The following PER2 variants were observed in gnomAD, a reference collection of about 807,000 sequenced individuals.
PER2 encodes period circadian protein homolog 2.
Under a neutral mutation model 121.0 loss-of-function variants are expected in PER2, and 66 were observed. The observed-to-expected ratio is 0.55, with a 90% CI of 0.45 to 0.67. PER2 has a LOEUF of 0.67. Among genes scored for constraint, PER2 ranks in the 30% least tolerant of loss-of-function variants. The probability of loss-of-function intolerance (pLI) is 0.00; values close to 1 mark genes in which losing one functional copy is unlikely to be tolerated. For missense variants in PER2, 1,521 were observed against 1,635.0 expected (o/e 0.93, Z 1.20); for synonymous variants, 684 against 659.9 (o/e 1.04, Z -0.56).
At position 238,253,803 on chromosome 2, in the gene PER2, C is replaced by A. The variant is rs1295847811; in HGVS notation, c.2321-101G>T. 7.8e-6 allele frequency: 7 copies of A among 899,808 alleles called. 1 individual carries two copies. The highest frequency in any genetic ancestry group is 5.7e-5 in the South Asian group (4 of 70,374). The allele number at this position is 899,808 out of a possible 1,614,324, so 55.7% of individuals were successfully genotyped here. A position where few individuals can be genotyped will look rare whatever the true frequency, so the allele number is the denominator to read the frequency against. On this transcript the variant is annotated intron_variant, in intron 18 of 22. Transcript: ENST00000254657. This position sits in a 1 kb window ranked among gnomAD's most constrained non-coding sequence, Gnocchi z 5.6. ...TGGGTTTCCAAATGCTGGCCCAGGG[C>A]CTGCCTGGTCCACCGAGCGGTTTTC... is the stretch of plus-strand genomic sequence containing the variant.
Position 238,245,378 on chromosome 2 carries a change from C to T in PER2, c.*997G>A, listed in dbSNP as rs1419265705. The T allele has an allele frequency of 1.3e-5, 5 of 390,720 alleles. No individual in the cohort carries two copies. In the East Asian group the frequency reaches 1.8e-4, roughly 14 times the overall value. The allele number at this position is 390,720 out of a possible 1,614,324, so 24.2% of individuals were successfully genotyped here. A position where few individuals can be genotyped will look rare whatever the true frequency, so the allele number is the denominator to read the frequency against. On this transcript the variant is annotated 3_prime_UTR_variant, in exon 23 of 23. Transcript: ENST00000254657. Reference sequence around the variant, plus strand: ...CAGGGTGCAGTGGGAGAGGTGAGCTCACTGCACCCCTGAAAATACAGATGC... The same window carrying T: ...CAGGGTGCAGTGGGAGAGGTGAGCTTACTGCACCCCTGAAAATACAGATGC...
At chr2:238,250,783 T>A in intron 20 of PER2, 40 bp from the exon 21 acceptor site, 1 of 1,412,974 alleles carries the variant, frequency 7.1e-7, no homozygotes, top group Non-Finnish European at 1.0e-6. Context: ...AACATTGACA[T>A]ATGAAATTAA....
rs775687700 is a variant in PER2 at position 238,262,294 on chromosome 2, C to A, written c.1204G>T (p.Ala402Ser). 30 of 1,613,760 alleles carry A rather than the reference C, an allele frequency of 1.9e-5. No individual in the cohort carries two copies. Among genetic ancestry groups the A allele is most frequent in the Non-Finnish European group, 2.2e-5 (26 of 1,179,890 alleles). Reference sequence around the variant, plus strand: ...AACGTGATGTACTCTCCGTTCCGGGCGCGAAACCGAATGGGAGAATAGTCG... The same window carrying A: ...AACGTGATGTACTCTCCGTTCCGGGAGCGAAACCGAATGGGAGAATAGTCG... ...PFDYSPIRFR[A>S]RNGEYITLDT... Residue 402 changes from alanine (A) to serine (S), a missense_variant, in exon 11 of 23, where the codon GCC becomes TCC. Coordinates refer to ENST00000254657, the MANE Select transcript of PER2 (RefSeq NM_022817.3).
chr2:238,291,146 T>A (rs1696943969), upstream of PER2, among the ~76,000 whole-genome samples: 1 of 152,296 alleles, frequency 6.6e-6, no homozygotes, highest in African/African-American at 2.4e-5. Context: ...GCTAGTCCTT[T>A]AGTTGGGGGT....
At chr2:238,298,934 C>T in the PER2 span, 1 of 152,230 alleles carries the variant, frequency 6.6e-6, no homozygotes, top group African/African-American at 2.4e-5. Context: ...ACTGGCAGCT[C>T]AGGAGATTTA....
intron 17 of PER2, 118 bp from the exon 18 acceptor site, chr2:238,256,029 T>C (rs143930852): frequency 7.8e-7 from 1 of 1,276,312 alleles, no homozygotes; most frequent in East Asian, 2.3e-5. Flanking sequence ...ATGATGCCTG[T>C]GGCATGAGGA....
chr2:238,253,726 G>C lies in PER2; in HGVS notation c.2321-24C>G, dbSNP rs1056819624. 5 of 1,554,896 alleles carry C rather than the reference G, an allele frequency of 3.2e-6. No individual in the cohort carries two copies. Among genetic ancestry groups the C allele is most frequent in the African/African-American group, 1.4e-5 (1 of 73,438 alleles). On this transcript the variant is annotated intron_variant, in intron 18 of 22. Coordinates refer to ENST00000254657, the MANE Select transcript of PER2 (RefSeq NM_022817.3). The surrounding 1 kb of genome is among the most constrained non-coding windows in gnomAD (Gnocchi z 5.6). ...AGCTAATGCAGAAAAACAAATACTC[G>C]GAGTTAAAATTTTAACTCCAAATTT...
rs952860304 is a variant in PER2 at position 238,275,783 on chromosome 2, G to A, written c.408C>T (p.Ala136=). 2 of 1,614,086 alleles carry A rather than the reference G, an allele frequency of 1.2e-6. No individual in the cohort carries two copies. Among genetic ancestry groups the A allele is most frequent in the African/African-American group, 2.7e-5 (2 of 74,932 alleles). ...CGCTCCTGAGGGCGTACTTCAAGGT[G>A]GCCAGCGTACTGGCCTTGCCCTTGG... ...KKAKGKASTL[A]TLKYALRSVK... is the part of the protein sequence containing the mutation. Residue 136 remains alanine, a synonymous_variant, in exon 4 of 23, where the codon GCC becomes GCT. Coordinates refer to ENST00000254657, the MANE Select transcript of PER2 (RefSeq NM_022817.3).
In PER2 at chr2:238,252,312, A is replaced by G. The variant is rs766077754; in HGVS notation, c.3112-551T>C. 6.6e-6 allele frequency among the ~76,000 whole-genome samples: 1 copy of G among 152,272 alleles called. No homozygotes were observed. Among genetic ancestry groups the G allele is most frequent in the Non-Finnish European group, 1.5e-5 (1 of 68,044 alleles). ...CCCGGGAGCCCTAGGTCCTCTGGCC[A>G]AGGCAGGGAATCGCCTGAGGCCTAC... On this transcript the variant is annotated intron_variant, in intron 19 of 22. Coordinates refer to ENST00000254657, the MANE Select transcript of PER2 (RefSeq NM_022817.3). This position sits in a 1 kb window ranked among gnomAD's most constrained non-coding sequence, Gnocchi z 4.2.
At chr2:238,294,519 G>A (rs1457601874), upstream of PER2, among the ~76,000 whole-genome samples, 1 of 152,214 alleles carries the variant, frequency 6.6e-6, no homozygotes, top group Non-Finnish European at 1.5e-5. Flanking sequence ...CTGTGATGGA[G>A]CACGTGCTTG....
chr2:238,264,926 C>T (rs549588704), intron 9 of PER2, among the ~76,000 whole-genome samples: 1 of 152,344 alleles, frequency 6.6e-6, no homozygotes, highest in Admixed American at 6.5e-5. Context: ...AAGTGTGAGC[C>T]ACTGCACCTA....
At position 238,246,418 on chromosome 2, in the gene PER2, T is replaced by C; in HGVS notation, c.3725A>G (p.Glu1242Gly). ...CCTGTGATTCAAGGGGGATCCATTT[T>C]CGTCTTCTTTGGTGTCCGACACTTC... Reference protein sequence around the residue: ...LSEVSDTKEDENGSPLNHRIE... With the variant: ...LSEVSDTKEDGNGSPLNHRIE... The change falls in exon 23 of 23, where the codon GAA (glutamate) becomes GGA (glycine). Residue 1242 changes from glutamate to glycine, a missense_variant. By Grantham distance (98) the Glu-to-Gly change is moderately conservative (BLOSUM62 -2). Transcript: ENST00000254657. 6.2e-7 allele frequency: 1 copy of C among 1,613,106 alleles called. No homozygotes were observed. Among genetic ancestry groups the C allele is most frequent in the Non-Finnish European group, 8.5e-7 (1 of 1,179,350 alleles).
At chr2:238,282,897 G>A (rs1009173127) in intron 1 of PER2, among the ~76,000 whole-genome samples, 7 of 152,226 alleles carry the variant, frequency 4.6e-5, no homozygotes, top group African/African-American at 1.7e-4. Flanking sequence ...ACGAGCCCTC[G>A]TGTGTGAACT....
chr2:238,291,640 G>T (rs919782157), upstream of PER2, among the ~76,000 whole-genome samples: 2 of 152,170 alleles, frequency 1.3e-5, no homozygotes, highest in African/African-American at 4.8e-5. Context: ...CCTTTCTTGG[G>T]CCTAGGGACA....
chr2:238,274,959 T>C lies in PER2; in HGVS notation c.448+784A>G, dbSNP rs137993186. On this transcript the variant is annotated intron_variant, in intron 4 of 22. Transcript: ENST00000254657. ...TGGCTCAAGGGACCCCAGAGATGAG[T>C]GCTGATGACCTGCTCACTGCTGATG... 6.1e-3 allele frequency among the ~76,000 whole-genome samples: 932 copies of C among 151,958 alleles called. 4 individuals are homozygous for C. The highest frequency in any genetic ancestry group is 8.0e-3 in the Non-Finnish European group (545 of 67,920).
rs1443943303 is a variant in PER2, at chr2:238,252,146, C to T, written c.3112-385G>A. Among the ~76,000 whole-genome samples, 6 of 152,126 alleles carry T rather than the reference C, an allele frequency of 3.9e-5. No individual in the cohort carries two copies. The South Asian group carries it at 6.2e-4, about 16-fold the overall frequency. On this transcript the variant is annotated intron_variant, in intron 19 of 22. Coordinates refer to ENST00000254657, the MANE Select transcript of PER2 (RefSeq NM_022817.3). The surrounding 1 kb of genome is among the most constrained non-coding windows in gnomAD (Gnocchi z 4.2). Reference sequence around the variant, plus strand: ...GTGGGGGCTGCCTTGGGATTGAGGGCGGGGCCTGGCCTGGGGAGCATCCCT... The same window carrying T: ...GTGGGGGCTGCCTTGGGATTGAGGGTGGGGCCTGGCCTGGGGAGCATCCCT...
chr2:238,274,598 T>A (rs1696393936), intron 4 of PER2, among the ~76,000 whole-genome samples: 1 of 152,206 alleles, frequency 6.6e-6, no homozygotes, highest in South Asian at 2.1e-4. Context: ...TAAATGGACA[T>A]AATCACTGGA....
chr2:238,286,879 C>T (rs1696805595), intron 1 of PER2, among the ~76,000 whole-genome samples: 1 of 152,210 alleles, frequency 6.6e-6, no homozygotes, highest in Non-Finnish European at 1.5e-5. Flanking sequence ...TTCCTTTTTC[C>T]TTGTAAGCAC....
rs1695947605 is a variant in PER2, at chr2:238,261,951, C to T, written c.1308-114G>A. On this transcript the variant is annotated intron_variant, in intron 11 of 22. Coordinates refer to ENST00000254657, the MANE Select transcript of PER2 (RefSeq NM_022817.3). Reference sequence around the variant, plus strand: ...GGGTGGGCCCTCTGCCTCTCCCCTGCAGCCCCCCAGGCTGCTGCCTGTCCA... The same window carrying T: ...GGGTGGGCCCTCTGCCTCTCCCCTGTAGCCCCCCAGGCTGCTGCCTGTCCA... The T allele has an allele frequency of 1.2e-5, 9 of 780,714 alleles. No homozygotes were observed. The Admixed American group carries it at 1.7e-4, about 15-fold the overall frequency. 48.4% of individuals were successfully genotyped at this position (780,714 alleles called of 1,614,324 possible). A position where few individuals can be genotyped will look rare whatever the true frequency, so the allele number is the denominator to read the frequency against.
Sources: allele counts gnomAD v4.1 joint callset (sites outside exome capture counted in the v4.1 genomes callset), GRCh38; gene constraint gnomAD v4.1.1; non-coding constraint Gnocchi (gnomAD v3.1); transcripts MANE v1.5; gene names NCBI Gene and HGNC (gene_info 2026-07-23, HGNC 2026-07-21).